VPS50: variants seen among roughly 807,000 people sequenced by gnomAD.
VPS50 encodes syndetin.
In VPS50, 70 loss-of-function variants were observed where a neutral mutation model predicts 139.7. That is an observed-to-expected ratio of 0.50 (90% CI 0.41 to 0.61). The LOEUF (loss-of-function observed/expected upper bound fraction) is 0.61, where lower values mean the gene tolerates loss of function less well. VPS50 is among the 20% of genes least tolerant of loss of function. VPS50 has a pLI of 0.00. For missense variants in VPS50, 921 were observed against 1,133.7 expected (o/e 0.81, Z 2.69); for synonymous variants, 365 against 376.7 (o/e 0.97, Z 0.36).
chr7:93,289,387 C>CT (rs1337457248), intron 12 of VPS50, among the ~76,000 whole-genome samples: 1 of 151,820 alleles, frequency 6.6e-6, no homozygotes, highest in East Asian at 1.9e-4. Context: ...TTTCCCCAAA[C>CT]TTTTAAGAAT....
rs1798812725 is a variant in VPS50 at position 93,360,777 on chromosome 7, T to C, written c.*2341T>C. 1 of 152,064 alleles carries C rather than the reference T, an allele frequency of 6.6e-6. No homozygotes were observed. Among genetic ancestry groups the C allele is most frequent in the Admixed American group, 6.6e-5 (1 of 15,252 alleles). The allele number at this position is 152,064 out of a possible 1,614,324, so 9.4% of individuals were successfully genotyped here. ...CATTCCCTGAGAAAGAATGATCATT[T>C]CTACAAATACATTGTCTTGCATTTA... is the stretch of plus-strand genomic sequence containing the variant. On this transcript the variant is annotated 3_prime_UTR_variant, in exon 28 of 28. Coordinates refer to ENST00000305866, the MANE Select transcript of VPS50 (RefSeq NM_017667.4).
chr7:93,287,355 GTGTATATCTCATCCAAACCCATTAAAT>G, intron 12 of VPS50, among the ~76,000 whole-genome samples: 1 of 150,928 alleles, frequency 6.6e-6, no homozygotes, highest in East Asian at 1.9e-4. Flanking sequence ...ACATCTGTGT[GTGTATATCTCATCCAAACCCATTAAAT>G]TTCAGCAAAT....
chr7:93,292,530 C>T (rs952956099), intron 13 of VPS50, among the ~76,000 whole-genome samples: 3 of 151,928 alleles, frequency 2.0e-5, no homozygotes, highest in African/African-American at 2.4e-5. Flanking sequence ...ATGATTTTAT[C>T]AGCATTTTGT....
In VPS50 at chr7:93,276,227, T is replaced by C. The variant is rs1796149057; in HGVS notation, c.864T>C (p.Val288=). 1 of 1,613,686 alleles carries C rather than the reference T, an allele frequency of 6.2e-7. No homozygotes were observed. The highest frequency in any genetic ancestry group is 8.5e-7 in the Non-Finnish European group (1 of 1,179,708). Residue 288 remains valine, a synonymous_variant, in exon 12 of 28, where the codon GTT becomes GTC. Transcript: ENST00000305866. ...CCATTCACAACACCGTGTTTCAAGTTGTTCTTGGTTATGTGGAACTATGTG... is the reference window on the plus strand; with the variant it reads ...CCATTCACAACACCGTGTTTCAAGTCGTTCTTGGTTATGTGGAACTATGTG... ...TQAIHNTVFQ[V]VLGYVELCAG... is the part of the protein sequence containing the mutation.
chr7:93,315,830 C>T (rs1380858311), intron 20 of VPS50, among the ~76,000 whole-genome samples: 1 of 150,832 alleles, frequency 6.6e-6, no homozygotes, highest in East Asian at 2.0e-4. Flanking sequence ...AGTTTTAGTC[C>T]ACCAGATTTT....
At chr7:93,293,281 A>C (rs1796702075) in intron 13 of VPS50, among the ~76,000 whole-genome samples, 1 of 152,184 alleles carries the variant, frequency 6.6e-6, no homozygotes, top group African/African-American at 2.4e-5. Context: ...TTAAGGAGAA[A>C]CCAAAGAAAA....
chr7:93,315,005 G>A (rs1320276952), intron 20 of VPS50, among the ~76,000 whole-genome samples: 1 of 152,152 alleles, frequency 6.6e-6, no homozygotes, highest in Admixed American at 6.6e-5. Context: ...TGAGCTGCAA[G>A]TCTCCTTCCT....
chr7:93,356,240 T>C (rs1019729590), intron 27 of VPS50, 160 bp downstream of exon 27: 4 of 397,436 alleles, frequency 1.0e-5, no homozygotes, highest in Non-Finnish European at 1.8e-5. Flanking sequence ...TTATTCAGAT[T>C]AAGGGCACCG....
At chr7:93,280,110 G>A (rs921484508) in intron 12 of VPS50, among the ~76,000 whole-genome samples, 2 of 152,016 alleles carry the variant, frequency 1.3e-5, no homozygotes, top group African/African-American at 2.4e-5. Flanking sequence ...TCAATTTTCT[G>A]CCATTTGTTT....
rs1229177407 is a variant in VPS50 at position 93,232,371 on chromosome 7, C to A, written c.-97C>A. Reference sequence around the variant, plus strand: ...CCCTGGGTCGGCTCCTCCACGTGACCACCCACTATGGCTTCCTAGTGTCAG... The same window carrying A: ...CCCTGGGTCGGCTCCTCCACGTGACAACCCACTATGGCTTCCTAGTGTCAG... On this transcript the variant is annotated 5_prime_UTR_variant, in exon 1 of 28. Transcript: ENST00000305866. 3 of 1,025,298 alleles carry A rather than the reference C, an allele frequency of 2.9e-6. No homozygotes were observed. Among genetic ancestry groups the A allele is most frequent in the African/African-American group, 1.6e-5 (1 of 63,474 alleles). 63.5% of individuals were successfully genotyped at this position (1,025,298 alleles called of 1,614,324 possible). A position where few individuals can be genotyped will look rare whatever the true frequency, so the allele number is the denominator to read the frequency against.
In VPS50 at chr7:93,291,852, A is replaced by T; in HGVS notation, c.1075+17A>T. On this transcript the variant is annotated intron_variant, in intron 13 of 27. Coordinates refer to ENST00000305866, the MANE Select transcript of VPS50 (RefSeq NM_017667.4). ...CAGCTTCTGGTAGGAAAATATTTTTATTTTATTTTAAAAATTGAACTATAA... is the reference window on the plus strand; with the variant it reads ...CAGCTTCTGGTAGGAAAATATTTTTTTTTTATTTTAAAAATTGAACTATAA... 6.5e-7 allele frequency: 1 copy of T among 1,532,040 alleles called. No individual in the cohort carries two copies. 94.9% of individuals were successfully genotyped at this position (1,532,040 alleles called of 1,614,324 possible).
At chr7:93,269,056 A>G (rs1039678109) in intron 9 of VPS50, among the ~76,000 whole-genome samples, 3 of 152,144 alleles carry the variant, frequency 2.0e-5, no homozygotes, top group Non-Finnish European at 4.4e-5. Context: ...CTGTGAATTG[A>G]GACAGAGAAC....
At chr7:93,341,374 G>T (rs1798204878) in intron 22 of VPS50, 53 bp from the exon 23 acceptor site, 2 of 1,305,592 alleles carry the variant, frequency 1.5e-6, no homozygotes, top group East Asian at 2.5e-5. Flanking sequence ...AAATCACGTG[G>T]TTTATTACTG....
intron 21 of VPS50, among the ~76,000 whole-genome samples, chr7:93,329,335 T>C (rs958761620): frequency 2.6e-5 from 4 of 151,924 alleles, no homozygotes; most frequent in Non-Finnish European, 4.4e-5. Flanking sequence ...CTCAATATAC[T>C]TAACAGCCAA....
At chr7:93,301,016 G>A (rs1219006162) in intron 16 of VPS50, among the ~76,000 whole-genome samples, 2 of 152,016 alleles carry the variant, frequency 1.3e-5, no homozygotes, top group African/African-American at 2.4e-5. Flanking sequence ...AACATTAGGG[G>A]CCGGGCACAA....
At chr7:93,354,047 A>T (rs1049147908) in intron 26 of VPS50, among the ~76,000 whole-genome samples, 4 of 152,164 alleles carry the variant, frequency 2.6e-5, no homozygotes, top group Non-Finnish European at 5.9e-5. Flanking sequence ...TAAAATTATG[A>T]TGGTGATGAT....
At chr7:93,298,851 G>T (rs1419787850) in intron 16 of VPS50, among the ~76,000 whole-genome samples, 1 of 152,100 alleles carries the variant, frequency 6.6e-6, no homozygotes, top group Non-Finnish European at 1.5e-5. Flanking sequence ...AGGAAAGCTG[G>T]GTTGAGTAAT....
At chr7:93,268,145 T>A (rs183618004) in intron 9 of VPS50, among the ~76,000 whole-genome samples, 1 of 152,314 alleles carries the variant, frequency 6.6e-6, no homozygotes, top group South Asian at 2.1e-4. Flanking sequence ...CAACACTGTG[T>A]CTGCCAAATC....
At chr7:93,233,899 G>A (rs1794717507) in intron 1 of VPS50, among the ~76,000 whole-genome samples, 1 of 152,296 alleles carries the variant, frequency 6.6e-6, no homozygotes, top group South Asian at 2.1e-4. Context: ...AGGCGTTAAC[G>A]GAGTTCCTGG....
Sources: allele counts gnomAD v4.1 joint callset (sites outside exome capture counted in the v4.1 genomes callset), GRCh38; gene constraint gnomAD v4.1.1; transcripts MANE v1.5; gene names NCBI Gene and HGNC (gene_info 2026-07-23, HGNC 2026-07-21).